The following EYS variants were observed in gnomAD, a reference collection of about 807,000 sequenced individuals.
EYS encodes EGF-like photoreceptor maintenance factor.
EYS carries 250 observed loss-of-function variants against 282.1 expected under a neutral mutation model. The observed-to-expected ratio is 0.89, with a 90% CI of 0.80 to 0.98. The LOEUF is 0.98. Among genes scored for constraint, EYS ranks in the 50% least tolerant of loss-of-function variants. The pLI, the probability that EYS is intolerant of heterozygous loss-of-function variation, is 0.00. For synonymous variants in EYS, 1,355 were observed against 1,282.9 expected (o/e 1.06, Z -1.20); for missense variants, 4,016 against 3,709.0 (o/e 1.08, Z -2.15).
intron 13 of EYS, among the ~76,000 whole-genome samples, chr6:65,010,956 G>A (rs992518199): frequency 2.0e-5 from 3 of 152,200 alleles, no homozygotes; most frequent in African/African-American, 4.8e-5. Flanking sequence ...GAAGAGAACC[G>A]CCAAGCGGAT....
At chr6:64,146,500 T>C (rs934504430) in intron 31 of EYS, among the ~76,000 whole-genome samples, 1 of 152,172 alleles carries the variant, frequency 6.6e-6, no homozygotes, top group African/African-American at 2.4e-5. Flanking sequence ...TGGAATGTGA[T>C]TCACAGACAC....
chr6:65,663,334 T>G (rs10484935), intron 1 of EYS, among the ~76,000 whole-genome samples: 20,250 of 152,024 alleles, frequency 0.13, 1,526 homozygotes, highest in South Asian at 0.29. Flanking sequence ...AGAAAGATTG[T>G]TAGAGCCATG....
chr6:64,328,540 C>T lies in EYS; in HGVS notation c.6079-21458G>A, dbSNP rs145795956. Among the ~76,000 whole-genome samples the T allele has an allele frequency of 4.3e-3, 656 of 152,304 alleles. 5 individuals are homozygous for T. The highest frequency in any genetic ancestry group is 0.015 in the African/African-American group (618 of 41,574). On this transcript the variant is annotated intron_variant, in intron 29 of 42. Coordinates refer to ENST00000503581, the MANE Select transcript of EYS (RefSeq NM_001142800.2). ...TGCGAGGCTTACCAGCTTTACACAC[C>T]ATTTGACCCAGAGGCTGCGGGTAAT...
chr6:65,181,520 A>C (rs902126251), intron 12 of EYS, among the ~76,000 whole-genome samples: 1 of 152,116 alleles, frequency 6.6e-6, no homozygotes, highest in Non-Finnish European at 1.5e-5. Flanking sequence ...ATCATCTCAC[A>C]CCAGTTAGAA....
At chr6:64,026,682 C>T (rs554633690) in intron 33 of EYS, among the ~76,000 whole-genome samples, 43 of 151,966 alleles carry the variant, frequency 2.8e-4, no homozygotes, top group African/African-American at 9.4e-4. Flanking sequence ...CTCAGCTTAC[C>T]CCCATATCCT....
At chr6:64,082,370 A>G (rs745529925) in intron 31 of EYS, among the ~76,000 whole-genome samples, 13 of 152,052 alleles carry the variant, frequency 8.5e-5, no homozygotes, top group Non-Finnish European at 1.8e-4. Flanking sequence ...TTGTTTGTTA[A>G]TTTTTAATTT....
intron 29 of EYS, among the ~76,000 whole-genome samples, chr6:64,378,909 T>C (rs968602602): frequency 6.6e-6 from 1 of 152,222 alleles, no homozygotes; most frequent in African/African-American, 2.4e-5. Context: ...ACTAAGAGGA[T>C]TGGTTTTTAA....
At chr6:65,219,405 A>T (rs1562029803) in intron 12 of EYS, among the ~76,000 whole-genome samples, 1 of 152,180 alleles carries the variant, frequency 6.6e-6, no homozygotes, top group Non-Finnish European at 1.5e-5. Context: ...GGTGATTAAA[A>T]TATAGTAGAG....
intron 32 of EYS, among the ~76,000 whole-genome samples, chr6:64,078,632 A>T (rs1471762966): frequency 6.6e-6 from 1 of 152,084 alleles, no homozygotes; most frequent in Non-Finnish European, 1.5e-5. Context: ...CTCTAGAGTA[A>T]ACAGCTTTGA....
chr6:64,874,219 T>A (rs1221892452), intron 19 of EYS, among the ~76,000 whole-genome samples: 4 of 152,092 alleles, frequency 2.6e-5, no homozygotes, highest in Admixed American at 1.3e-4. Context: ...TTTTCTCCTT[T>A]ATAGGCAGCA....
At chr6:63,837,902 A>G (rs1168422805) in intron 36 of EYS, among the ~76,000 whole-genome samples, 1 of 152,170 alleles carries the variant, frequency 6.6e-6, no homozygotes, top group Non-Finnish European at 1.5e-5. Context: ...TAGTCAGAAG[A>G]GTTTATCAGT....
intron 11 of EYS, among the ~76,000 whole-genome samples, chr6:65,314,730 C>A (rs1329232119): frequency 2.0e-5 from 3 of 151,764 alleles, no homozygotes; most frequent in African/African-American, 7.3e-5. Context: ...AAGGATGGGA[C>A]ATAGCCAATG....
intron 12 of EYS, among the ~76,000 whole-genome samples, chr6:65,280,056 T>A (rs1768173324): frequency 6.6e-6 from 1 of 152,182 alleles, no homozygotes; most frequent in Admixed American, 6.5e-5. Context: ...TCTTATAAAG[T>A]CACTTAATAA....
intron 2 of EYS, among the ~76,000 whole-genome samples, chr6:65,585,713 CTGTA>C (rs1765020839): frequency 6.6e-6 from 1 of 151,592 alleles, no homozygotes; most frequent in African/African-American, 2.4e-5. Flanking sequence ...ATTTATGTGA[CTGTA>C]TGTTGTATTT....
chr6:64,776,575 G>A (rs1172940628), intron 22 of EYS, among the ~76,000 whole-genome samples: 2 of 151,810 alleles, frequency 1.3e-5, no homozygotes, highest in Admixed American at 1.3e-4. Flanking sequence ...TTTGTGTGTA[G>A]TTATATGAAA....
intron 6 of EYS, among the ~76,000 whole-genome samples, chr6:65,403,078 T>G (rs553852326): frequency 6.6e-5 from 10 of 152,114 alleles, no homozygotes; most frequent in Non-Finnish European, 1.3e-4. Context: ...ACCTTCAAGA[T>G]GAAGTCCAAG....
chr6:64,171,393 T>C (rs997256997), intron 31 of EYS, among the ~76,000 whole-genome samples: 1 of 152,186 alleles, frequency 6.6e-6, no homozygotes, highest in Non-Finnish European at 1.5e-5. Flanking sequence ...GAATTCAGGC[T>C]CCTTAGGCTG....
At chr6:64,065,000 T>A (rs988676511) in intron 33 of EYS, among the ~76,000 whole-genome samples, 1 of 152,162 alleles carries the variant, frequency 6.6e-6, no homozygotes, top group Non-Finnish European at 1.5e-5. Flanking sequence ...AAATAATGAT[T>A]TCATTACCTT....
intron 19 of EYS, among the ~76,000 whole-genome samples, chr6:64,844,078 G>A (rs1163821622): frequency 1.3e-5 from 2 of 152,048 alleles, no homozygotes; most frequent in Non-Finnish European, 2.9e-5. Context: ...CTCCCACCAT[G>A]ATTCTGAGGC....
Sources: allele counts gnomAD v4.1 joint callset (sites outside exome capture counted in the v4.1 genomes callset), GRCh38; gene constraint gnomAD v4.1.1; transcripts MANE v1.5; gene names NCBI Gene and HGNC (gene_info 2026-07-23, HGNC 2026-07-21).